CHLSN: variants seen among roughly 807,000 people sequenced by gnomAD.
CHLSN encodes protein cholesin.
the CHLSN span, among the ~76,000 whole-genome samples, chr7:979,282 A>G: frequency 1.3e-5 from 2 of 152,178 alleles, no homozygotes; most frequent in African/African-American, 4.8e-5. Context: ...CAGCTTATCA[A>G]CGGGTGGCGG....
At chr7:1,032,000 C>T in the CHLSN span, among the ~76,000 whole-genome samples, 1 of 152,124 alleles carries the variant, frequency 6.6e-6, no homozygotes, top group African/African-American at 2.4e-5. Flanking sequence ...GAGAATTCGC[C>T]TTCGAAACCT....
the CHLSN span, among the ~76,000 whole-genome samples, chr7:1,110,059 A>C: frequency 3.3e-5 from 5 of 151,606 alleles, no homozygotes; most frequent in Admixed American, 6.6e-5. Flanking sequence ...ACGCCCAGAC[A>C]CGGAGGCTAC....
At chr7:1,041,958 CAGGGGA>C in the CHLSN span, among the ~76,000 whole-genome samples, 2 of 152,222 alleles carry the variant, frequency 1.3e-5, no homozygotes, top group South Asian at 2.1e-4. Flanking sequence ...CTGAATGCGG[CAGGGGA>C]AGGGGAAGGG....
At chr7:1,124,348 A>C in the CHLSN span, among the ~76,000 whole-genome samples, 1 of 151,382 alleles carries the variant, frequency 6.6e-6, no homozygotes, top group South Asian at 2.1e-4. Context: ...AAGAAGGGAG[A>C]GCCAGAAGCC....
the CHLSN span, chr7:1,028,769 C>A: frequency 3.4e-6 from 3 of 884,370 alleles, no homozygotes; most frequent in Non-Finnish European, 4.0e-6. Context: ...CCCATCTCCC[C>A]TAGTCTGCCG....
the CHLSN span, among the ~76,000 whole-genome samples, chr7:1,070,915 CACAGCACGCACAG>C: frequency 7.9e-5 from 11 of 139,810 alleles, no homozygotes; most frequent in African/African-American, 2.7e-4. Flanking sequence ...CACGCACACA[CACAGCACGCACAG>C]ACACGCACAC....
the CHLSN span, among the ~76,000 whole-genome samples, chr7:1,130,118 C>T: frequency 1.3e-5 from 2 of 152,140 alleles, no homozygotes; most frequent in African/African-American, 2.4e-5. Context: ...TGGAGCAGGC[C>T]ACGTATGAGG....
At chr7:986,804 C>A in the CHLSN span, 4 of 1,541,460 alleles carry the variant, frequency 2.6e-6, no homozygotes, top group South Asian at 1.2e-5. Flanking sequence ...ACAGGTGTGT[C>A]GGGACCCAAG....
chr7:1,052,103 G>A, the CHLSN span, among the ~76,000 whole-genome samples: 2 of 152,256 alleles, frequency 1.3e-5, no homozygotes, highest in African/African-American at 4.8e-5. The surrounding 1 kb of genome is among the most constrained non-coding windows in gnomAD (Gnocchi z 4.2). Context: ...CCCAGGCAGG[G>A]CCAGCTCCTT....
At chr7:1,032,387 G>A in the CHLSN span, among the ~76,000 whole-genome samples, 2 of 152,214 alleles carry the variant, frequency 1.3e-5, no homozygotes, top group South Asian at 4.1e-4. Flanking sequence ...AGAATCCACT[G>A]TGGAGGTGTG....
At chr7:1,012,890 G>C in the CHLSN span, among the ~76,000 whole-genome samples, 5 of 152,246 alleles carry the variant, frequency 3.3e-5, no homozygotes, top group Non-Finnish European at 5.9e-5. Flanking sequence ...CACTGTCCTG[G>C]ACCAGGCAAT....
the CHLSN span, among the ~76,000 whole-genome samples, chr7:980,935 C>T: frequency 2.0e-5 from 3 of 151,810 alleles, no homozygotes; most frequent in South Asian, 2.1e-4. Context: ...CCTCGTGATC[C>T]GCCCACCTCA....
At chr7:1,095,049 G>GGC in the CHLSN span, among the ~76,000 whole-genome samples, 443 of 152,288 alleles carry the variant, frequency 2.9e-3, 7 homozygotes, top group Admixed American at 0.023. Flanking sequence ...GTGTGGCACA[G>GGC]TCCTGCAGAA....
At chr7:1,037,236 G>C in the CHLSN span, among the ~76,000 whole-genome samples, 10 of 141,500 alleles carry the variant, frequency 7.1e-5, no homozygotes, top group Non-Finnish European at 1.4e-4. Context: ...CCTCCCTAAA[G>C]TTTGGAACAG....
chr7:1,019,985 G>A, the CHLSN span, among the ~76,000 whole-genome samples: 4 of 152,236 alleles, frequency 2.6e-5, no homozygotes, highest in South Asian at 2.1e-4. Context: ...TAGGACGCTC[G>A]GCTCTCGTCT....
chr7:1,092,565 C>T, the CHLSN span: 2 of 1,610,580 alleles, frequency 1.2e-6, no homozygotes, highest in South Asian at 1.1e-5. Context: ...ACGTCTTCAT[C>T]AGCGTGCACC....
chr7:1,016,135 GCCAGCACACAGCAGCACACGCCAGCA>G, the CHLSN span, among the ~76,000 whole-genome samples: 5 of 55,900 alleles, frequency 8.9e-5, no homozygotes, highest in African/African-American at 6.6e-4. Context: ...AGCAGCACAC[GCCAGCACACAGCAGCACACGCCAGCA>G]CACAGCAGCA....
At chr7:986,562 C>A in the CHLSN span, 26 of 1,581,918 alleles carry the variant, frequency 1.6e-5, no homozygotes, top group Non-Finnish European at 1.9e-5. Flanking sequence ...ACGATCACCG[C>A]CTGCCCAGCG....
chr7:1,040,182 TTAAAAAA>T, the CHLSN span, among the ~76,000 whole-genome samples: 1 of 96,058 alleles, frequency 1.0e-5, no homozygotes, highest in Non-Finnish European at 2.2e-5. Context: ...AAAAATAAAT[TTAAAAAA>T]AAAAAAAAAA....
Sources: allele counts gnomAD v4.1 joint callset (sites outside exome capture counted in the v4.1 genomes callset), GRCh38; gene constraint gnomAD v4.1.1; non-coding constraint Gnocchi (gnomAD v3.1); transcripts MANE v1.5; gene names NCBI Gene and HGNC (gene_info 2026-07-23, HGNC 2026-07-21).